BDP1: variants seen among roughly 807,000 people sequenced by gnomAD.
The protein encoded by BDP1 is transcription factor TFIIIB component B'' homolog.
Under a neutral mutation model 266.6 loss-of-function variants are expected in BDP1, and 169 were observed. The observed-to-expected ratio is 0.63, with a 90% CI of 0.56 to 0.72. The LOEUF (loss-of-function observed/expected upper bound fraction) is 0.72. Ranked by LOEUF, BDP1 falls within the 30% of genes least tolerant of loss-of-function variation. The pLI is 0.00. For synonymous variants in BDP1, 1,090 were observed against 1,022.4 expected, an observed-to-expected ratio of 1.07 and a Z score of -1.26; for missense variants, 3,015 against 3,053.8, an observed-to-expected ratio of 0.99 and a Z score of 0.30.
intron 4 of BDP1, 81 bp from the exon 5 acceptor site, chr5:71,466,015 G>A (rs1761885184): frequency 6.3e-6 from 9 of 1,427,088 alleles, no homozygotes; most frequent in Non-Finnish European, 8.6e-6. Flanking sequence ...GGTTGAGTTT[G>A]TAATCATTTA....
intron 26 of BDP1, among the ~76,000 whole-genome samples, chr5:71,533,017 A>G (rs929610982): frequency 6.6e-6 from 1 of 152,212 alleles, no homozygotes; most frequent in Non-Finnish European, 1.5e-5. Context: ...TTTCCTAGAC[A>G]TGAAATTATA....
chr5:71,481,808 TTTTC>T (rs1762984436), intron 7 of BDP1, among the ~76,000 whole-genome samples: 1 of 152,206 alleles, frequency 6.6e-6, no homozygotes, highest in Non-Finnish European at 1.5e-5. Context: ...TGAGTTATTA[TTTTC>T]TAAGTTCTCT....
In BDP1 at chr5:71,472,995, A is replaced by G. The variant is rs139599009; in HGVS notation, c.1014+2506A>G. On this transcript the variant is annotated intron_variant, in intron 7 of 38. Transcript: ENST00000358731. ...CCTCCTGGGCTTGAGTGATCCTCCC[A>G]CCTCAGCCTCCTGAGTAGTTGGGAC... Among the ~76,000 whole-genome samples, 807 of 135,190 alleles carry G rather than the reference A, an allele frequency of 6.0e-3. 3 individuals carry two copies. Among genetic ancestry groups the G allele is most frequent in the Non-Finnish European group, 9.8e-3 (643 of 65,796 alleles). The allele number at this position is 135,190 out of a possible 152,430, so 88.7% of individuals were successfully genotyped here.
At chr5:71,506,823 A>ACACACCCACC (rs377599570) in intron 16 of BDP1, among the ~76,000 whole-genome samples, 1 of 141,726 alleles carries the variant, frequency 7.1e-6, no homozygotes, top group East Asian at 2.1e-4. Context: ...ACACACACAC[A>ACACACCCACC]CCCATATTTT....
chr5:71,545,381 G>C, intron 32 of BDP1, 162 bp downstream of exon 32: 1 of 702,876 alleles, frequency 1.4e-6, no homozygotes, highest in South Asian at 2.0e-5. Context: ...GCCCAGGCAA[G>C]AGTGCAGTGG....
intron 34 of BDP1, 56 bp from the exon 35 acceptor site, chr5:71,553,060 A>G: frequency 7.2e-7 from 1 of 1,381,744 alleles, no homozygotes; most frequent in Non-Finnish European, 9.9e-7. Flanking sequence ...TTTAAAAAAA[A>G]AAGTGTTAAA....
At position 71,491,205 on chromosome 5, in the gene BDP1, GTA is replaced by G. The variant is rs1365673934; in HGVS notation, c.1640+75_1640+76del. On this transcript the variant is annotated intron_variant, in intron 11 of 38. Transcript: ENST00000358731. ...GAAAGGAGTGTTGAAGTCTCCATCT[GTA>G]ACTGTGGATTTGCCTGTTTCTTTTT... 5.0e-6 allele frequency: 7 copies of G among 1,386,968 alleles called. No homozygotes were observed. The African/African-American group carries it at 1.0e-4, about 20-fold the overall frequency. 85.9% of individuals were successfully genotyped at this position (1,386,968 alleles called of 1,614,324 possible). A position where few individuals can be genotyped will look rare whatever the true frequency, so the allele number is the denominator to read the frequency against.
chr5:71,506,397 C>T (rs1242789155), intron 16 of BDP1, among the ~76,000 whole-genome samples: 1 of 152,054 alleles, frequency 6.6e-6, no homozygotes, highest in Non-Finnish European at 1.5e-5. Context: ...AGAAAGTTTT[C>T]CCCCTCTCCT....
chr5:71,558,437 G>T (rs1743381591), intron 36 of BDP1, among the ~76,000 whole-genome samples: 2 of 151,970 alleles, frequency 1.3e-5, no homozygotes, highest in Admixed American at 6.6e-5. Flanking sequence ...GCAGGAGATT[G>T]CTTGAACCTG....
At chr5:71,467,809 A>G (rs1761995794) in intron 6 of BDP1, among the ~76,000 whole-genome samples, 1 of 152,120 alleles carries the variant, frequency 6.6e-6, no homozygotes, top group Non-Finnish European at 1.5e-5. Flanking sequence ...TGGGCAACAA[A>G]GCAAGACCTC....
At position 71,455,821 on chromosome 5, in the gene BDP1, G is replaced by A. The variant is rs1561656843; in HGVS notation, c.-57G>A. 2 of 1,461,108 alleles carry A rather than the reference G, an allele frequency of 1.4e-6. No homozygotes were observed. The highest frequency in any genetic ancestry group is 1.3e-5 in the South Asian group (1 of 77,608). The allele number at this position is 1,461,108 out of a possible 1,614,324, so 90.5% of individuals were successfully genotyped here. A position where few individuals can be genotyped will look rare whatever the true frequency, so the allele number is the denominator to read the frequency against. On this transcript the variant is annotated 5_prime_UTR_variant, in exon 1 of 39. Transcript: ENST00000358731. ...CTAATCCCCTTTCCGGGCAGCCGCC[G>A]GGGCTCGGGGCTGTGAGCGGCCGTG... is the stretch of plus-strand genomic sequence containing the variant.
chr5:71,473,146 A>G (rs1012588181), intron 7 of BDP1, among the ~76,000 whole-genome samples: 2 of 151,686 alleles, frequency 1.3e-5, no homozygotes, highest in African/African-American at 4.8e-5. Flanking sequence ...TGGCCTCCCA[A>G]AGTTCTGGAA....
At chr5:71,563,287 A>G (rs1291829658) in intron 38 of BDP1, among the ~76,000 whole-genome samples, 2 of 152,124 alleles carry the variant, frequency 1.3e-5, no homozygotes, top group Non-Finnish European at 2.9e-5. Context: ...AGCTGAGCTT[A>G]CAGATGCATG....
intron 8 of BDP1, among the ~76,000 whole-genome samples, chr5:71,485,353 T>G (rs1426098390): frequency 6.6e-6 from 1 of 152,140 alleles, no homozygotes; most frequent in African/African-American, 2.4e-5. Context: ...AAAACCTATA[T>G]AAGTTTTTTG....
rs1319622627 is a variant in BDP1, at chr5:71,541,445, T to C, written c.6023-9T>C. On this transcript the variant is annotated splice_polypyrimidine_tract_variant and intron_variant, in intron 28 of 38. Coordinates refer to ENST00000358731, the MANE Select transcript of BDP1 (RefSeq NM_018429.3). ...CCATTTTAATTTTGTTTTTTTTTTT[T>C]TTCTTCAGTAGGAGTATGTATAATT... 2.1e-5 allele frequency: 23 copies of C among 1,119,088 alleles called. No homozygotes were observed. The highest frequency in any genetic ancestry group is 2.7e-5 in the Non-Finnish European group (22 of 813,686). 69.3% of individuals were successfully genotyped at this position (1,119,088 alleles called of 1,614,324 possible). A position where few individuals can be genotyped will look rare whatever the true frequency, so the allele number is the denominator to read the frequency against.
intron 22 of BDP1, 97 bp from the exon 23 acceptor site, chr5:71,522,192 G>A (rs1047474050): frequency 3.3e-6 from 3 of 910,700 alleles, no homozygotes; most frequent in Non-Finnish European, 5.2e-6. Context: ...TTTGAACATA[G>A]AATTGATTTG....
intron 4 of BDP1, among the ~76,000 whole-genome samples, chr5:71,464,409 C>T (rs987191817): frequency 1.2e-4 from 18 of 152,032 alleles, no homozygotes; most frequent in South Asian, 8.3e-4. Flanking sequence ...GTGGGAGGAT[C>T]GCTCGAGCCC....
intron 16 of BDP1, among the ~76,000 whole-genome samples, chr5:71,505,985 C>G (rs1764554353): frequency 6.6e-6 from 1 of 152,304 alleles, no homozygotes; most frequent in Non-Finnish European, 1.5e-5. Context: ...TATTCCTTTG[C>G]TTCTTATTCC....
chr5:71,475,420 C>T (rs920023660), intron 7 of BDP1, among the ~76,000 whole-genome samples: 2 of 152,208 alleles, frequency 1.3e-5, no homozygotes, highest in Non-Finnish European at 2.9e-5. Flanking sequence ...CTTCAGTGCA[C>T]TTCATAAGCA....
Sources: gnomAD v4.1 joint callset for allele counts (sites outside exome capture counted in the v4.1 genomes callset) on GRCh38, gnomAD v4.1.1 for gene constraint, MANE v1.5 for transcripts, NCBI Gene and HGNC (gene_info 2026-07-23, HGNC 2026-07-21) for gene names.